Variants in CRACDL observed in about 807,000 individuals in gnomAD.
The protein encoded by CRACDL is CRACD-like protein.
Under a neutral mutation model 70.6 loss-of-function variants are expected in CRACDL, and 26 were observed. The observed-to-expected ratio is 0.37, with a 90% confidence interval of 0.27 to 0.51. The LOEUF (loss-of-function observed/expected upper bound fraction) is 0.51, where lower values mean the gene tolerates loss of function less well. Ranked by LOEUF, CRACDL falls within the 20% of genes least tolerant of loss-of-function variation. The pLI is 0.94. For missense variants in CRACDL, 1,283 were observed against 1,376.9 expected, an observed-to-expected ratio of 0.93 and a Z score of 1.08; for synonymous variants, 618 against 615.2, an observed-to-expected ratio of 1.00 and a Z score of -0.07.
At chr2:98,883,697 G>C (rs1241578263) in intron 1 of CRACDL, among the ~76,000 whole-genome samples, 1 of 152,194 alleles carries the variant, frequency 6.6e-6, no homozygotes, top group East Asian at 1.9e-4. Context: ...CCCGAGCCCG[G>C]GTAGAACAGA....
rs201855765 is a variant in CRACDL at position 98,825,423 on chromosome 2, AAAG to A, written c.735+1549_735+1551del. 5.1e-3 allele frequency among the ~76,000 whole-genome samples: 777 copies of A among 152,342 alleles called. 6 individuals carry two copies. Among genetic ancestry groups the A allele is most frequent in the African/African-American group, 0.018 (737 of 41,568 alleles). On this transcript the variant is annotated intron_variant, in intron 6 of 9. Transcript: ENST00000397899. ...AACTAAGTCAAGTTCAAATGTAAAG[AAAG>A]AAGGATATAAGCCCTGCCCAGATGG...
intron 1 of CRACDL, among the ~76,000 whole-genome samples, chr2:98,886,744 A>G (rs1362899775): frequency 2.6e-5 from 4 of 152,256 alleles, no homozygotes; most frequent in Non-Finnish European, 5.9e-5. Flanking sequence ...ATTAGTTCAG[A>G]AAAGTCAATA....
chr2:98,904,783 T>C (rs572999704), intron 1 of CRACDL, among the ~76,000 whole-genome samples: 77 of 152,372 alleles, frequency 5.1e-4, no homozygotes, highest in African/African-American at 1.7e-3. Flanking sequence ...TGGTTATACC[T>C]GCTGATATAG....
chr2:98,894,069 G>A (rs1417168554), intron 1 of CRACDL, among the ~76,000 whole-genome samples: 10 of 151,998 alleles, frequency 6.6e-5, no homozygotes, highest in African/African-American at 2.4e-4. Context: ...CAGCTACTCC[G>A]TGCCTGCACT....
intron 1 of CRACDL, among the ~76,000 whole-genome samples, chr2:98,914,242 G>C (rs1355953129): frequency 1.3e-5 from 2 of 152,236 alleles, no homozygotes; most frequent in Non-Finnish European, 2.9e-5. Context: ...TGCAGACATG[G>C]GAAGGGGCCC....
chr2:98,821,085 GT>G (rs1371791945), intron 7 of CRACDL, among the ~76,000 whole-genome samples: 2 of 152,202 alleles, frequency 1.3e-5, no homozygotes, highest in Non-Finnish European at 2.9e-5. Context: ...ATCAAAATCA[GT>G]TTTTACGTTT....
intron 1 of CRACDL, chr2:98,897,314 TA>T: frequency 1.8e-6 from 2 of 1,123,570 alleles, no homozygotes; most frequent in Non-Finnish European, 1.2e-6. Context: ...CTTCTGGTAT[TA>T]AACGTGAAGG....
chr2:98,811,002 GT>G (rs756378101), intron 7 of CRACDL, among the ~76,000 whole-genome samples: 4 of 151,968 alleles, frequency 2.6e-5, no homozygotes, highest in Non-Finnish European at 5.9e-5. Context: ...ATGCTTTACT[GT>G]GGAGTGAAAG....
intron 1 of CRACDL, among the ~76,000 whole-genome samples, chr2:98,932,853 A>G (rs981553221): frequency 6.6e-6 from 1 of 152,208 alleles, no homozygotes; most frequent in Non-Finnish European, 1.5e-5. Context: ...AGGACAGAAG[A>G]CAGAACCTAA....
chr2:98,815,472 T>C (rs982623512), intron 7 of CRACDL, among the ~76,000 whole-genome samples: 2 of 152,236 alleles, frequency 1.3e-5, no homozygotes, highest in African/African-American at 4.8e-5. Context: ...TTAGCCTCTC[T>C]GCACTGTAGC....
intron 1 of CRACDL, among the ~76,000 whole-genome samples, chr2:98,918,139 CAGT>C (rs759091856): frequency 2.0e-5 from 3 of 152,116 alleles, no homozygotes; most frequent in Non-Finnish European, 2.9e-5. Flanking sequence ...AGATACCCAG[CAGT>C]AGGATTACTG....
chr2:98,796,382 T>C, intron 8 of CRACDL, 118 bp from the exon 9 acceptor site: 1 of 1,044,962 alleles, frequency 9.6e-7, no homozygotes, highest in South Asian at 1.4e-5. Flanking sequence ...GCTGGCACTT[T>C]CTCGGGAGGG....
intron 1 of CRACDL, among the ~76,000 whole-genome samples, chr2:98,923,466 C>T (rs1313598799): frequency 6.6e-6 from 1 of 152,082 alleles, no homozygotes; most frequent in Non-Finnish European, 1.5e-5. Context: ...ACTCAAATTG[C>T]AAGCAAAGTA....
At chr2:98,915,824 C>T (rs528926120) in intron 1 of CRACDL, among the ~76,000 whole-genome samples, 84 of 152,300 alleles carry the variant, frequency 5.5e-4, no homozygotes, top group African/African-American at 1.8e-3. Flanking sequence ...TAAGCACATC[C>T]GCTGACCACC....
chr2:98,801,213 C>T (rs1346345168), intron 7 of CRACDL, among the ~76,000 whole-genome samples: 1 of 152,152 alleles, frequency 6.6e-6, no homozygotes, highest in Non-Finnish European at 1.5e-5. Flanking sequence ...ATCTCTAGGC[C>T]CTGTTACAGG....
intron 3 of CRACDL, among the ~76,000 whole-genome samples, chr2:98,835,118 G>A (rs2104507496): frequency 6.6e-6 from 1 of 152,280 alleles, no homozygotes; most frequent in African/African-American, 2.4e-5. Context: ...AGGAGCCCTG[G>A]TTTCAAGTGT....
chr2:98,801,982 G>A (rs955049911), intron 7 of CRACDL, among the ~76,000 whole-genome samples: 2 of 152,236 alleles, frequency 1.3e-5, no homozygotes, highest in South Asian at 2.1e-4. Flanking sequence ...AGCCCTCGTG[G>A]CTGTTGTGAT....
At chr2:98,924,508 ACATTCCCAT>A (rs1188702486) in intron 1 of CRACDL, among the ~76,000 whole-genome samples, 2 of 152,244 alleles carry the variant, frequency 1.3e-5, no homozygotes, top group Non-Finnish European at 2.9e-5. Flanking sequence ...AAACTCAGAG[ACATTCCCAT>A]CTCCCTCTGC....
chr2:98,900,495 C>T (rs1245200509), intron 1 of CRACDL, among the ~76,000 whole-genome samples: 1 of 152,040 alleles, frequency 6.6e-6, no homozygotes, highest in African/African-American at 2.4e-5. Flanking sequence ...AACCACACCT[C>T]CAATACCCTC....
Sources: gnomAD v4.1 joint callset for allele counts (sites outside exome capture counted in the v4.1 genomes callset) on GRCh38, gnomAD v4.1.1 for gene constraint, MANE v1.5 for transcripts, NCBI Gene and HGNC (gene_info 2026-07-23, HGNC 2026-07-21) for gene names.